Variants in DHX15 observed in about 807,000 individuals in gnomAD.
DHX15 encodes the protein DEAH-box helicase 15.
DHX15 carries 11 observed loss-of-function variants against 94.4 expected under a neutral mutation model. The observed-to-expected ratio is 0.12, with a 90% CI of 0.07 to 0.19. The LOEUF is 0.19. DHX15 is among the 10% of genes least tolerant of loss of function. DHX15 has a pLI of 1.00. For missense variants in DHX15, 304 were observed against 988.5 expected, an observed-to-expected ratio of 0.31 and a Z score of 9.29; for synonymous variants, 338 against 329.9, an observed-to-expected ratio of 1.02 and a Z score of -0.27.
chr4:24,540,716 T>C (rs1721291894), intron 9 of DHX15, 124 bp downstream of exon 9: 1 of 548,242 alleles, frequency 1.8e-6, no homozygotes, highest in African/African-American at 2.0e-5. Context: ...AGACTTAATC[T>C]TGATGCATAC....
At chr4:24,528,531 G>A (rs993830282) in intron 13 of DHX15, among the ~76,000 whole-genome samples, 2 of 152,082 alleles carry the variant, frequency 1.3e-5, no homozygotes, top group African/African-American at 2.4e-5. Flanking sequence ...TCAACAAAGC[G>A]TTTAAGATAA....
chr4:24,576,139 T>G (rs1722262628), intron 2 of DHX15, 104 bp downstream of exon 2: 1 of 863,752 alleles, frequency 1.2e-6, no homozygotes, highest in Non-Finnish European at 1.8e-6. Flanking sequence ...TTCTTCAAGA[T>G]GTTCTATAGG....
At position 24,556,319 on chromosome 4, in the gene DHX15, T is replaced by G; in HGVS notation, c.793A>C (p.Arg265=). Residue 265 remains arginine (R), a synonymous_variant, in exon 4 of 14, where the codon AGG becomes CGG. Transcript: ENST00000336812. ...GVIILDEAHE[R]TLATDILMGV... ...ATTAGAATATCTGTAGCCAGTGTCC[T>G]CTCATGAGCCTCATCAAGAATTATT... 6.2e-7 allele frequency: 1 copy of G among 1,613,786 alleles called. No homozygotes were observed. The highest frequency in any genetic ancestry group is 2.2e-5 in the East Asian group (1 of 44,838).
intron 13 of DHX15, 104 bp downstream of exon 13, chr4:24,529,496 AT>A: frequency 2.1e-6 from 2 of 961,188 alleles, no homozygotes; most frequent in Non-Finnish European, 3.2e-6. Flanking sequence ...ACACTGAAAT[AT>A]AAATTCTCAA....
At chr4:24,567,344 A>G (rs6448281) in intron 3 of DHX15, among the ~76,000 whole-genome samples, 1 of 152,058 alleles carries the variant, frequency 6.6e-6, no homozygotes, top group Admixed American at 6.5e-5. Context: ...TTTGGGAGGC[A>G]GAGGCGGGCG....
In DHX15 at chr4:24,573,611, G is replaced by GA. The variant is rs1553952294; in HGVS notation, c.507+2631_507+2632insT. On this transcript the variant is annotated intron_variant, in intron 2 of 13. Coordinates refer to ENST00000336812, the MANE Select transcript of DHX15 (RefSeq NM_001358.3). ...TCATCAATATGTTCACTAGACAGGA[G>GA]TTTTTTTAAAAAAAAATCCTCATCA... is the stretch of plus-strand genomic sequence containing the variant. Among the ~76,000 whole-genome samples, 6 of 151,962 alleles carry GA rather than the reference G, an allele frequency of 3.9e-5. No homozygotes were observed. The South Asian group carries it at 6.2e-4, about 16-fold the overall frequency.
In DHX15 at chr4:24,547,933, ATATATATATCTATATC is replaced by A. The variant is rs1457120582; in HGVS notation, c.1248+906_1248+921del. 7.6e-3 allele frequency among the ~76,000 whole-genome samples: 256 copies of A among 33,624 alleles called. 3 individuals are homozygous for A. The highest frequency in any genetic ancestry group is 0.017 in the African/African-American group (157 of 9,018). The allele number at this position is 33,624 out of a possible 152,430, so 22.1% of individuals were successfully genotyped here. ...TATATATATATATATATATATATATATATATATATCTATATCTATATCTATATCTATCTGCTGATGG... is the reference window on the plus strand; with the variant it reads ...TATATATATATATATATATATATATATATATCTATATCTATCTGCTGATGG... On this transcript the variant is annotated intron_variant, in intron 6 of 13. Transcript: ENST00000336812.
At chr4:24,542,859 G>T in intron 7 of DHX15, 81 bp downstream of exon 7, 1 of 993,732 alleles carries the variant, frequency 1.0e-6, no homozygotes, top group Non-Finnish European at 1.5e-6. Flanking sequence ...ATTCTGAAAG[G>T]TAAATTTTAG....
chr4:24,574,041 C>CAA lies in DHX15; in HGVS notation c.507+2200_507+2201dup, dbSNP rs10567935. On this transcript the variant is annotated intron_variant, in intron 2 of 13. Coordinates refer to ENST00000336812, the MANE Select transcript of DHX15 (RefSeq NM_001358.3). ...TGAAACCCTGTCTCTATTAAAAATA[C>CAA]AAAAAAAAAAAAAAAATAGCCAGGC... 7.4e-3 allele frequency among the ~76,000 whole-genome samples: 941 copies of CAA among 127,728 alleles called. 21 individuals carry two copies. The highest frequency in any genetic ancestry group is 0.025 in the African/African-American group (845 of 34,162). The allele number at this position is 127,728 out of a possible 152,430, so 83.8% of individuals were successfully genotyped here. A position where few individuals can be genotyped will look rare whatever the true frequency, so the allele number is the denominator to read the frequency against.
intron 6 of DHX15, among the ~76,000 whole-genome samples, chr4:24,548,402 C>A (rs931010315): frequency 6.6e-6 from 1 of 151,978 alleles, no homozygotes; most frequent in East Asian, 1.9e-4. Flanking sequence ...TTCGGCCTCC[C>A]AAAGTGCTGG....
intron 11 of DHX15, chr4:24,534,001 G>C (rs1422062668): frequency 6.6e-6 from 1 of 152,076 alleles, no homozygotes; most frequent in Non-Finnish European, 1.5e-5. Context: ...ATGTTTTTTA[G>C]ACATAACAAA....
At chr4:24,530,086 A>C (rs1212683774) in intron 12 of DHX15, 3 of 398,186 alleles carry the variant, frequency 7.5e-6, no homozygotes, top group South Asian at 2.6e-5. Context: ...ATCCATAAGG[A>C]AAGTTTTATT....
chr4:24,557,398 T>C (rs1721761467), intron 3 of DHX15, among the ~76,000 whole-genome samples: 1 of 152,192 alleles, frequency 6.6e-6, no homozygotes, highest in Admixed American at 6.5e-5. Flanking sequence ...ATTTATGAAT[T>C]CACCATTTTG....
intron 6 of DHX15, among the ~76,000 whole-genome samples, chr4:24,543,844 AGG>A (rs1721368476): frequency 6.6e-6 from 1 of 152,164 alleles, no homozygotes; most frequent in Non-Finnish European, 1.5e-5. Flanking sequence ...TTTCAGGAAC[AGG>A]TTACTGATAT....
chr4:24,583,851 T>C (rs1722538084), intron 1 of DHX15, among the ~76,000 whole-genome samples: 1 of 152,086 alleles, frequency 6.6e-6, no homozygotes, highest in Non-Finnish European at 1.5e-5. Context: ...CTTTCCCGTC[T>C]GGAGTGCCTG....
chr4:24,556,551 T>A, intron 3 of DHX15, 141 bp from the exon 4 acceptor site: 1 of 647,482 alleles, frequency 1.5e-6, no homozygotes, highest in Non-Finnish European at 2.5e-6. Flanking sequence ...TGTTTCATGA[T>A]CAATTGCAAA....
intron 1 of DHX15, among the ~76,000 whole-genome samples, chr4:24,579,683 G>A (rs1023392047): frequency 6.6e-6 from 1 of 152,224 alleles, no homozygotes; most frequent in Non-Finnish European, 1.5e-5. Flanking sequence ...GTAGAGTATA[G>A]ATAGGATTAA....
At position 24,542,005 on chromosome 4, in the gene DHX15, G is replaced by A. The variant is rs1477417819; in HGVS notation, c.1353C>T (p.Ile451=). The A allele has an allele frequency of 1.2e-6, 2 of 1,609,590 alleles. No homozygotes were observed. The highest frequency in any genetic ancestry group is 1.3e-5 in the African/African-American group (1 of 74,830). Residue 451 remains isoleucine, a synonymous_variant, in exon 8 of 14, where the codon ATC becomes ATT. Transcript: ENST00000336812. ...FAKQKVYNPR[I]RVESLLVTAI... is the part of the protein sequence containing the mutation. The stretch of plus-strand genomic sequence containing the variant: ...CTGTCACCAAAAGGGACTCAACTCT[G>A]ATTCGAGGATTGTAGACCTATTGGA...
At chr4:24,529,930 T>C (rs1721038520) in intron 12 of DHX15, 160 bp from the exon 13 acceptor site, 1 of 725,360 alleles carries the variant, frequency 1.4e-6, no homozygotes, top group Non-Finnish European at 2.3e-6. Context: ...AGCAAACTGC[T>C]GCCTGTGGGC....
Sources: allele counts gnomAD v4.1 joint callset (sites outside exome capture counted in the v4.1 genomes callset), GRCh38; gene constraint gnomAD v4.1.1; transcripts MANE v1.5; gene names NCBI Gene and HGNC (gene_info 2026-07-23, HGNC 2026-07-21).